Variants in ADARB2 observed in about 807,000 individuals in gnomAD.
ADARB2 encodes the protein adenosine deaminase RNA specific B2 (inactive), also known as inactive double-stranded RNA-specific editase B2.
In ADARB2, 25 loss-of-function variants were observed where a neutral mutation model predicts 62.2. That is an observed-to-expected ratio of 0.40 (90% CI 0.29 to 0.56). The LOEUF (loss-of-function observed/expected upper bound fraction) is 0.56. ADARB2 is among the 20% of genes least tolerant of loss of function. ADARB2 has a pLI of 0.43. For synonymous variants in ADARB2, 572 were observed against 500.8 expected (o/e 1.14, Z -1.90); for missense variants, 1,071 against 1,077.4 (o/e 0.99, Z 0.08).
At chr10:1,387,280 A>G (rs1453092780) in intron 1 of ADARB2, among the ~76,000 whole-genome samples, 1 of 152,022 alleles carries the variant, frequency 6.6e-6, no homozygotes, top group African/African-American at 2.4e-5. Flanking sequence ...GAGTCAAAAT[A>G]GGAAGTGGAA....
intron 1 of ADARB2, among the ~76,000 whole-genome samples, chr10:1,492,353 C>T (rs1328867635): frequency 1.3e-5 from 2 of 152,026 alleles, no homozygotes; most frequent in Non-Finnish European, 2.9e-5. Context: ...TAAGAGGAGA[C>T]CCCACTGCGG....
At chr10:1,444,983 T>G (rs1830950786) in intron 1 of ADARB2, among the ~76,000 whole-genome samples, 1 of 147,098 alleles carries the variant, frequency 6.8e-6, no homozygotes, top group African/African-American at 2.5e-5. Flanking sequence ...ATCCATCCAC[T>G]CACAATCCAT....
intron 1 of ADARB2, among the ~76,000 whole-genome samples, chr10:1,498,375 C>CAAATAAAT (rs146551454): frequency 0.16 from 22,939 of 147,088 alleles, 1,839 homozygotes; most frequent in East Asian, 0.18. Flanking sequence ...AACTCTGTCT[C>CAAATAAAT]AAATAAATAA....
intron 7 of ADARB2, among the ~76,000 whole-genome samples, chr10:1,203,346 G>C (rs111319505): frequency 7.9e-5 from 12 of 152,282 alleles, no homozygotes; most frequent in African/African-American, 2.9e-4. Flanking sequence ...ACAGGTCTCC[G>C]GTGGGTTGAC....
chr10:1,556,784 C>G (rs764199867), intron 1 of ADARB2: 2 of 534,552 alleles, frequency 3.7e-6, no homozygotes, highest in Non-Finnish European at 7.7e-6. Context: ...CTTCCTGCCC[C>G]TGACCACAGC....
intron 1 of ADARB2, among the ~76,000 whole-genome samples, chr10:1,601,101 T>C (rs1395957918): frequency 3.3e-5 from 5 of 152,206 alleles, no homozygotes; most frequent in Non-Finnish European, 1.5e-5. Flanking sequence ...CAGGTTTGCA[T>C]TGGCCACAGA....
intron 1 of ADARB2, among the ~76,000 whole-genome samples, chr10:1,473,173 C>T (rs902759403): frequency 1.3e-5 from 2 of 152,034 alleles, no homozygotes; most frequent in Admixed American, 1.3e-4. Flanking sequence ...TCCAAATATA[C>T]TTTCCTTCCC....
At chr10:1,713,787 C>CAA (rs1038721680) in intron 1 of ADARB2, among the ~76,000 whole-genome samples, 12 of 152,150 alleles carry the variant, frequency 7.9e-5, no homozygotes, top group Admixed American at 7.9e-4. Flanking sequence ...CACTTTAAAG[C>CAA]AAATTGTCAA....
At chr10:1,544,382 G>A (rs1298377018) in intron 1 of ADARB2, among the ~76,000 whole-genome samples, 1 of 152,224 alleles carries the variant, frequency 6.6e-6, no homozygotes, top group Non-Finnish European at 1.5e-5. Context: ...GCTCTGATGA[G>A]CAGCTCCACT....
intron 1 of ADARB2, among the ~76,000 whole-genome samples, chr10:1,634,778 C>G (rs538394637): frequency 1.3e-5 from 2 of 152,138 alleles, no homozygotes; most frequent in Non-Finnish European, 2.9e-5. Context: ...CCAGAACAAC[C>G]AACACTGGTT....
intron 1 of ADARB2, among the ~76,000 whole-genome samples, chr10:1,579,287 A>G (rs1481867791): frequency 6.6e-6 from 1 of 152,156 alleles, no homozygotes; most frequent in Non-Finnish European, 1.5e-5. Context: ...AGAAGGCACA[A>G]TTTACATCCT....
chr10:1,472,153 T>C (rs1472514441), intron 1 of ADARB2, among the ~76,000 whole-genome samples: 2 of 152,196 alleles, frequency 1.3e-5, no homozygotes, highest in Non-Finnish European at 2.9e-5. Context: ...CTTGTCTTGC[T>C]GCTTCTTTAC....
intron 1 of ADARB2, among the ~76,000 whole-genome samples, chr10:1,416,271 A>G (rs921513748): frequency 7.2e-5 from 11 of 152,236 alleles, no homozygotes; most frequent in Non-Finnish European, 1.6e-4. Context: ...CAAATAGAAG[A>G]TATTTTTGAA....
intron 1 of ADARB2, among the ~76,000 whole-genome samples, chr10:1,494,362 G>C (rs61831910): frequency 0.15 from 23,519 of 151,998 alleles, 2,204 homozygotes; most frequent in Middle Eastern, 0.23. Context: ...TATTTACTTT[G>C]AAATATGTAA....
At chr10:1,518,997 T>C (rs1832041718) in intron 1 of ADARB2, among the ~76,000 whole-genome samples, 1 of 152,126 alleles carries the variant, frequency 6.6e-6, no homozygotes, top group African/African-American at 2.4e-5. Context: ...TATGCCTGCA[T>C]TCCATGTAAC....
At chr10:1,432,697 G>A (rs184470310) in intron 1 of ADARB2, among the ~76,000 whole-genome samples, 3 of 151,684 alleles carry the variant, frequency 2.0e-5, no homozygotes, top group African/African-American at 4.8e-5. Flanking sequence ...ATACTTATAT[G>A]AGTATGCTTA....
intron 1 of ADARB2, among the ~76,000 whole-genome samples, chr10:1,697,505 G>T (rs1834762283): frequency 6.6e-6 from 1 of 152,102 alleles, no homozygotes; most frequent in Non-Finnish European, 1.5e-5. Context: ...AGAAAAACTA[G>T]GAAGACATTG....
chr10:1,505,424 C>T (rs1294000612), intron 1 of ADARB2, among the ~76,000 whole-genome samples: 7 of 148,100 alleles, frequency 4.7e-5, no homozygotes, highest in African/African-American at 1.5e-4. Flanking sequence ...TGCCAGTTTT[C>T]CTTTCCAGGG....
intron 1 of ADARB2, among the ~76,000 whole-genome samples, chr10:1,473,640 C>T (rs532050186): frequency 6.6e-6 from 1 of 152,306 alleles, no homozygotes; most frequent in Admixed American, 6.5e-5. Flanking sequence ...CCTTGGCCTC[C>T]CAAAGTGTTG....
Sources: gnomAD v4.1 joint callset for allele counts (sites outside exome capture counted in the v4.1 genomes callset) on GRCh38, gnomAD v4.1.1 for gene constraint, MANE v1.5 for transcripts, NCBI Gene and HGNC (gene_info 2026-07-23, HGNC 2026-07-21) for gene names.